TNFAIP8: variants seen among roughly 807,000 people sequenced by gnomAD.
TNFAIP8 encodes the protein TNF alpha induced protein 8, also known as tumor necrosis factor alpha-induced protein 8.
A neutral mutation model predicts 13.3 loss-of-function variants in TNFAIP8; 7 were observed. That is an observed-to-expected ratio of 0.52 (90% CI 0.30 to 0.99). TNFAIP8 has a LOEUF of 0.99. Among genes scored for constraint, TNFAIP8 ranks in the 50% least tolerant of loss-of-function variants. The pLI is 0.07. For synonymous variants in TNFAIP8, 94 were observed against 87.6 expected, an observed-to-expected ratio of 1.07 and a Z score of -0.41; for missense variants, 258 against 236.9, an observed-to-expected ratio of 1.09 and a Z score of -0.58.
At chr5:119,340,867 T>C (rs965236923) in intron 1 of TNFAIP8, among the ~76,000 whole-genome samples, 1 of 152,190 alleles carries the variant, frequency 6.6e-6, no homozygotes, top group Non-Finnish European at 1.5e-5. Context: ...ATGGCCTTAG[T>C]TCACCGAATA....
At chr5:119,307,563 A>G (rs192108684) in intron 1 of TNFAIP8, among the ~76,000 whole-genome samples, 13 of 152,340 alleles carry the variant, frequency 8.5e-5, no homozygotes, top group African/African-American at 2.4e-4. Flanking sequence ...AAGCATCTCT[A>G]TGTATCCATT....
At chr5:119,281,519 A>T (rs1232207933) in intron 1 of TNFAIP8, among the ~76,000 whole-genome samples, 3 of 152,082 alleles carry the variant, frequency 2.0e-5, no homozygotes, top group Admixed American at 6.6e-5. Context: ...TACCTATTTG[A>T]TTACCCCATA....
At chr5:119,290,524 A>C (rs78756759) in intron 1 of TNFAIP8, among the ~76,000 whole-genome samples, 4,631 of 152,296 alleles carry the variant, frequency 0.03, 245 homozygotes, top group African/African-American at 0.11. Context: ...CCAAGGGAAC[A>C]TAAGGTGGAA....
chr5:119,287,081 C>T (rs1301391869), intron 1 of TNFAIP8, among the ~76,000 whole-genome samples: 1 of 152,160 alleles, frequency 6.6e-6, no homozygotes, highest in Non-Finnish European at 1.5e-5. Flanking sequence ...ACATCATTAG[C>T]CTACCCTTTA....
chr5:119,285,096 T>A (rs2150806939), intron 1 of TNFAIP8, among the ~76,000 whole-genome samples: 1 of 152,292 alleles, frequency 6.6e-6, no homozygotes, highest in African/African-American at 2.4e-5. Flanking sequence ...TTGAAATAGT[T>A]AAGCAAAGGA....
At chr5:119,290,347 C>T (rs1465818418) in intron 1 of TNFAIP8, among the ~76,000 whole-genome samples, 3 of 152,232 alleles carry the variant, frequency 2.0e-5, no homozygotes, top group East Asian at 3.8e-4. Flanking sequence ...GATATCTGAA[C>T]ATTCTCTGCG....
chr5:119,284,997 A>G (rs1488678883), intron 1 of TNFAIP8, among the ~76,000 whole-genome samples: 1 of 152,212 alleles, frequency 6.6e-6, no homozygotes, highest in African/African-American at 2.4e-5. Flanking sequence ...CCATCTCTCC[A>G]TATGTTGTCA....
chr5:119,366,279 A>G (rs1003709111), intron 1 of TNFAIP8, among the ~76,000 whole-genome samples: 2 of 152,162 alleles, frequency 1.3e-5, no homozygotes, highest in Admixed American at 6.5e-5. Context: ...TTAACAGGAG[A>G]GAAAGTGGGG....
chr5:119,345,364 A>G lies in TNFAIP8; in HGVS notation c.2-47452A>G, dbSNP rs538816489. On this transcript the variant is annotated intron_variant, in intron 1 of 1. Coordinates refer to the TNFAIP8 transcript ENST00000274456. ...AATAGAATTACCATATGATTTAGCAATTTTACTTCTGGGTATATACTCAAA... is the reference window on the plus strand; with the variant it reads ...AATAGAATTACCATATGATTTAGCAGTTTTACTTCTGGGTATATACTCAAA... 1.1e-4 allele frequency among the ~76,000 whole-genome samples: 17 copies of G among 152,300 alleles called. No homozygotes were observed. In the South Asian group the frequency reaches 2.3e-3, roughly 20 times the overall value.
chr5:119,354,621 T>G (rs1751311971), upstream of TNFAIP8: 1 of 152,260 alleles, frequency 6.6e-6, no homozygotes, highest in Non-Finnish European at 1.5e-5. Context: ...AATCCCTTTG[T>G]GCTTATATTA....
chr5:119,350,994 CACTCTGTG>C (rs1174419965), intron 1 of TNFAIP8, among the ~76,000 whole-genome samples: 3 of 110,676 alleles, frequency 2.7e-5, no homozygotes, highest in Non-Finnish European at 5.3e-5. Flanking sequence ...AGAGGGGTCT[CACTCTGTG>C]TGTGTGTGTG....
At chr5:119,313,514 G>A (rs1449263070) in intron 1 of TNFAIP8, among the ~76,000 whole-genome samples, 2 of 152,136 alleles carry the variant, frequency 1.3e-5, no homozygotes, top group Non-Finnish European at 2.9e-5. Context: ...ATAGGCACGG[G>A]CTTTGACATT....
At chr5:119,334,453 G>A (rs1220581258) in intron 1 of TNFAIP8, among the ~76,000 whole-genome samples, 1 of 151,828 alleles carries the variant, frequency 6.6e-6, no homozygotes, top group African/African-American at 2.4e-5. Context: ...GAAGACATAG[G>A]TGGGTGTTGG....
intron 1 of TNFAIP8, among the ~76,000 whole-genome samples, chr5:119,301,317 C>T (rs143903049): frequency 6.6e-6 from 1 of 152,224 alleles, no homozygotes; most frequent in Non-Finnish European, 1.5e-5. Context: ...CAATTCTTAC[C>T]CCTCTGTCAG....
intron 1 of TNFAIP8, among the ~76,000 whole-genome samples, chr5:119,391,843 A>C (rs1174009792): frequency 6.6e-6 from 1 of 152,060 alleles, no homozygotes; most frequent in East Asian, 1.9e-4. Flanking sequence ...TTTGGAGAAT[A>C]AACATTTATT....
intron 1 of TNFAIP8, among the ~76,000 whole-genome samples, chr5:119,325,541 GGGCTC>G: frequency 6.6e-6 from 1 of 152,160 alleles, no homozygotes; most frequent in Non-Finnish European, 1.5e-5. Context: ...TCTGCCTCCC[GGGCTC>G]ACGCCATTCT....
chr5:119,356,795 A>G (rs1581639532), intron 1 of TNFAIP8, among the ~76,000 whole-genome samples: 1 of 152,054 alleles, frequency 6.6e-6, no homozygotes, highest in Non-Finnish European at 1.5e-5. Flanking sequence ...AAAAGCTCCA[A>G]CCAAAACACA....
intron 1 of TNFAIP8, among the ~76,000 whole-genome samples, chr5:119,366,433 T>C (rs1233506247): frequency 6.6e-6 from 1 of 152,184 alleles, no homozygotes; most frequent in Non-Finnish European, 1.5e-5. Context: ...CTGCCCCTCT[T>C]CCAACTGCTA....
chr5:119,380,803 T>C (rs1752456599), intron 1 of TNFAIP8, among the ~76,000 whole-genome samples: 1 of 152,246 alleles, frequency 6.6e-6, no homozygotes. Context: ...ATGGGCTAAC[T>C]TTTCTATTCT....
Sources: gnomAD v4.1 joint callset for allele counts (sites outside exome capture counted in the v4.1 genomes callset) on GRCh38, gnomAD v4.1.1 for gene constraint, MANE v1.5 for transcripts, NCBI Gene and HGNC (gene_info 2026-07-23, HGNC 2026-07-21) for gene names.